Variants in CDH4 observed in about 807,000 individuals in gnomAD.
CDH4 encodes the protein cadherin-4.
CDH4 carries 33 observed loss-of-function variants against 86.0 expected under a neutral mutation model. The observed-to-expected ratio is 0.38, with a 90% CI of 0.29 to 0.51. The LOEUF is 0.51. CDH4 is among the 20% of genes least tolerant of loss of function. The pLI is 0.86. For missense variants in CDH4, 1,114 were observed against 1,307.4 expected (o/e 0.85, Z 2.28); for synonymous variants, 555 against 549.4 (o/e 1.01, Z -0.14).
chr20:61,929,324 G>T (rs1383082773), intron 12 of CDH4, among the ~76,000 whole-genome samples: 1 of 152,188 alleles, frequency 6.6e-6, no homozygotes, highest in Non-Finnish European at 1.5e-5. Flanking sequence ...TTTTACTAGA[G>T]ACAGGGTTTT....
intron 2 of CDH4, among the ~76,000 whole-genome samples, chr20:61,423,741 T>G (rs568695885): frequency 3.3e-5 from 5 of 152,230 alleles, no homozygotes; most frequent in Admixed American, 2.0e-4. Flanking sequence ...TTAATAACAC[T>G]TCCTCAGGTC....
chr20:61,795,826 C>CATGAGTTAATGAATGA (rs1555839779), intron 4 of CDH4, among the ~76,000 whole-genome samples: 10 of 30,742 alleles, frequency 3.3e-4, no homozygotes, highest in Admixed American at 1.4e-3. Context: ...AGCAATGTTG[C>CATGAGTTAATGAATGA]ATGAGTGAAT....
chr20:61,313,063 C>T (rs1040225096), intron 2 of CDH4, among the ~76,000 whole-genome samples: 3 of 152,208 alleles, frequency 2.0e-5, no homozygotes, highest in Admixed American at 2.0e-4. Context: ...TTCCAAAGAC[C>T]GATTCTAATA....
chr20:61,807,480 C>T lies in CDH4; in HGVS notation c.576+34298C>T, dbSNP rs973492934. ...TGTGTTGGATTTGGAAATCTCCCTCCTCTTTCTACTCCATCTCCTCCCGGC... is the reference window on the plus strand; with the variant it reads ...TGTGTTGGATTTGGAAATCTCCCTCTTCTTTCTACTCCATCTCCTCCCGGC... On this transcript the variant is annotated intron_variant, in intron 4 of 15. Coordinates refer to ENST00000614565, the MANE Select transcript of CDH4 (RefSeq NM_001794.5). This position sits in a 1 kb window ranked among gnomAD's most constrained non-coding sequence, Gnocchi z 4.5. Among the ~76,000 whole-genome samples the T allele has an allele frequency of 2.0e-5, 3 of 152,184 alleles. No homozygotes were observed. Among genetic ancestry groups the T allele is most frequent in the Non-Finnish European group, 4.4e-5 (3 of 68,030 alleles).
intron 2 of CDH4, among the ~76,000 whole-genome samples, chr20:61,502,304 A>G (rs1470015572): frequency 6.6e-6 from 1 of 152,084 alleles, no homozygotes; most frequent in Non-Finnish European, 1.5e-5. Flanking sequence ...CTGGTGGTCT[A>G]CTTTGTCGTT....
chr20:61,652,848 A>G (rs1337958979), intron 2 of CDH4, among the ~76,000 whole-genome samples: 7 of 61,366 alleles, frequency 1.1e-4, no homozygotes, highest in South Asian at 3.6e-4. Flanking sequence ...AAAAATCAAG[A>G]ATTTTTTTTT....
chr20:61,271,162 G>T (rs1305826329), intron 2 of CDH4, among the ~76,000 whole-genome samples: 3 of 152,106 alleles, frequency 2.0e-5, no homozygotes, highest in Non-Finnish European at 2.9e-5. Flanking sequence ...GGTTTTAAAG[G>T]GATGGACTGG....
At chr20:61,865,983 A>G (rs768986478) in intron 6 of CDH4, among the ~76,000 whole-genome samples, 3 of 152,114 alleles carry the variant, frequency 2.0e-5, no homozygotes, top group African/African-American at 2.4e-5. Context: ...GCTCGTGTTT[A>G]TATTGAACAT....
chr20:61,892,341 G>A (rs1353095912), intron 7 of CDH4, among the ~76,000 whole-genome samples: 2 of 152,232 alleles, frequency 1.3e-5, no homozygotes, highest in Non-Finnish European at 2.9e-5. Flanking sequence ...CCTACTCTGT[G>A]TTGGGCCCAC....
At chr20:61,635,877 A>G (rs1418442067) in intron 2 of CDH4, among the ~76,000 whole-genome samples, 4 of 152,156 alleles carry the variant, frequency 2.6e-5, no homozygotes, top group Admixed American at 6.5e-5. Context: ...AGCAGGGGGC[A>G]GGACACAGGC....
At chr20:61,930,065 G>A (rs1384028187) in intron 13 of CDH4, among the ~76,000 whole-genome samples, 2 of 152,246 alleles carry the variant, frequency 1.3e-5, no homozygotes, top group East Asian at 3.9e-4. Context: ...CGGCCCAGGT[G>A]TCTCCCATGG....
intron 4 of CDH4, among the ~76,000 whole-genome samples, chr20:61,824,143 C>T (rs772052036): frequency 6.6e-6 from 1 of 152,146 alleles, no homozygotes; most frequent in Non-Finnish European, 1.5e-5. Flanking sequence ...CATGGTGCTT[C>T]GTGCCCACTT....
At chr20:61,403,239 C>T (rs1241782529) in intron 2 of CDH4, among the ~76,000 whole-genome samples, 1 of 152,202 alleles carries the variant, frequency 6.6e-6, no homozygotes, top group African/African-American at 2.4e-5. Flanking sequence ...CTTTGCCATC[C>T]TCTTTGCTAC....
At chr20:61,695,395 C>A (rs552436908) in intron 2 of CDH4, among the ~76,000 whole-genome samples, 1 of 152,174 alleles carries the variant, frequency 6.6e-6, no homozygotes, top group Non-Finnish European at 1.5e-5. Context: ...CCATCAGACC[C>A]GAACGAGGGT....
chr20:61,381,637 C>T (rs1054505880), intron 2 of CDH4, among the ~76,000 whole-genome samples: 2 of 151,898 alleles, frequency 1.3e-5, no homozygotes, highest in Non-Finnish European at 2.9e-5. Context: ...GCAGAATGTC[C>T]CCCCTTGGAA....
chr20:61,934,726 C>T (rs2055159007), intron 15 of CDH4, among the ~76,000 whole-genome samples: 1 of 141,596 alleles, frequency 7.1e-6, no homozygotes, highest in Non-Finnish European at 1.5e-5. Context: ...TGCCCCCCCT[C>T]CCCACCCCAC....
At chr20:61,496,255 A>G (rs1231081863) in intron 2 of CDH4, among the ~76,000 whole-genome samples, 1 of 152,082 alleles carries the variant, frequency 6.6e-6, no homozygotes, top group Non-Finnish European at 1.5e-5. Flanking sequence ...ATTAAAAATT[A>G]GCTGGGCATG....
At position 61,651,098 on chromosome 20, in the gene CDH4, G is replaced by A. The variant is rs566738162; in HGVS notation, c.170-92465G>A. Among the ~76,000 whole-genome samples, 63 of 152,102 alleles carry A rather than the reference G, an allele frequency of 4.1e-4. 1 individual carries two copies. The highest frequency in any genetic ancestry group is 1.3e-3 in the African/African-American group (56 of 41,488). ...TGCTTGGCCGTGCACTGGTGTGCTCGTGTCAGTGAGTTAGCACCGTGCTTG... is the reference window on the plus strand; with the variant it reads ...TGCTTGGCCGTGCACTGGTGTGCTCATGTCAGTGAGTTAGCACCGTGCTTG... On this transcript the variant is annotated intron_variant, in intron 2 of 15. Transcript: ENST00000614565.
chr20:61,448,062 C>T (rs1423947162), intron 2 of CDH4, among the ~76,000 whole-genome samples: 1 of 152,200 alleles, frequency 6.6e-6, no homozygotes, highest in Non-Finnish European at 1.5e-5. Flanking sequence ...TGCTGATTTC[C>T]ATACCTAATC....
Sources: allele counts gnomAD v4.1 joint callset (sites outside exome capture counted in the v4.1 genomes callset), GRCh38; gene constraint gnomAD v4.1.1; non-coding constraint Gnocchi (gnomAD v3.1); transcripts MANE v1.5; gene names NCBI Gene and HGNC (gene_info 2026-07-23, HGNC 2026-07-21).